CFAP20DC: variants seen among roughly 807,000 people sequenced by gnomAD.
CFAP20DC encodes protein CFAP20DC.
A neutral mutation model predicts 101.7 loss-of-function variants in CFAP20DC; 84 were observed. That is an observed-to-expected ratio of 0.83 (90% CI 0.69 to 0.99). The LOEUF is 0.99. Among genes scored for constraint, CFAP20DC ranks in the 50% least tolerant of loss-of-function variants. CFAP20DC has a pLI of 0.00. For missense variants in CFAP20DC, 1,007 were observed against 970.3 expected (o/e 1.04, Z -0.50); for synonymous variants, 359 against 351.2 (o/e 1.02, Z -0.25).
At chr3:58,995,973 T>TC (rs2093108998) in intron 4 of CFAP20DC, among the ~76,000 whole-genome samples, 6 of 136,112 alleles carry the variant, frequency 4.4e-5, no homozygotes, top group Admixed American at 7.7e-5. Context: ...TTCTGTATAA[T>TC]AAATCTATCT....
At chr3:58,800,287 T>G (rs1037940834) in intron 15 of CFAP20DC, among the ~76,000 whole-genome samples, 3 of 152,144 alleles carry the variant, frequency 2.0e-5, no homozygotes, top group African/African-American at 7.2e-5. Context: ...TGAGAGGTGA[T>G]GGCAACCTGC....
chr3:58,809,989 C>T (rs1032665157), intron 14 of CFAP20DC, among the ~76,000 whole-genome samples: 4 of 152,082 alleles, frequency 2.6e-5, no homozygotes, highest in African/African-American at 9.7e-5. Context: ...TACACCATCC[C>T]ACGACTAAAC....
intron 14 of CFAP20DC, among the ~76,000 whole-genome samples, chr3:58,825,073 GA>G (rs1387395887): frequency 1.3e-5 from 2 of 152,110 alleles, no homozygotes; most frequent in Non-Finnish European, 2.9e-5. Context: ...GAGAGACAGT[GA>G]AATGAAATAT....
Position 58,914,053 on chromosome 3 carries a change from C to A in CFAP20DC, c.394-189G>T, listed in dbSNP as rs2084424249. 6.6e-6 allele frequency among the ~76,000 whole-genome samples: 1 copy of A among 152,126 alleles called. No individual in the cohort carries two copies. The highest frequency in any genetic ancestry group is 2.1e-4 in the South Asian group (1 of 4,832). Reference sequence around the variant, plus strand: ...ACTGACTTGATCTTTCCAAAGAAATCACCATAATTCTAAATTACACATTGG... The same window carrying A: ...ACTGACTTGATCTTTCCAAAGAAATAACCATAATTCTAAATTACACATTGG... On this transcript the variant is annotated intron_variant, in intron 5 of 16. Transcript: ENST00000482387. This position sits in a 1 kb window ranked among gnomAD's most constrained non-coding sequence, Gnocchi z 4.9.
At position 58,869,068 on chromosome 3, in the gene CFAP20DC, T is replaced by G. The variant is rs2079922966; in HGVS notation, c.1015+260A>C. On this transcript the variant is annotated intron_variant, in intron 9 of 16. Transcript: ENST00000482387. The surrounding 1 kb of genome is among the most constrained non-coding windows in gnomAD (Gnocchi z 4.3). Reference sequence around the variant, plus strand: ...AAATACAGTGATAATGGAATGCTATTTTATTTCTACATCAGTTGCCATAAA... The same window carrying G: ...AAATACAGTGATAATGGAATGCTATGTTATTTCTACATCAGTTGCCATAAA... Among the ~76,000 whole-genome samples, 1 of 152,174 alleles carries G rather than the reference T, an allele frequency of 6.6e-6. No individual in the cohort carries two copies. Among genetic ancestry groups the G allele is most frequent in the Non-Finnish European group, 1.5e-5 (1 of 68,002 alleles).
intron 4 of CFAP20DC, among the ~76,000 whole-genome samples, chr3:58,988,915 G>C (rs2092839528): frequency 6.6e-6 from 1 of 152,046 alleles, no homozygotes; most frequent in South Asian, 2.1e-4. Context: ...CAAATGTTAT[G>C]ATGATGTCTT....
intron 4 of CFAP20DC, among the ~76,000 whole-genome samples, chr3:58,940,930 CT>C (rs895968764): frequency 7.2e-5 from 11 of 152,090 alleles, no homozygotes; most frequent in Non-Finnish European, 1.5e-4. Context: ...TGCTTAATTT[CT>C]TTTTTAATGT....
chr3:58,796,976 G>C (rs999269097), intron 15 of CFAP20DC, among the ~76,000 whole-genome samples: 1 of 152,090 alleles, frequency 6.6e-6, no homozygotes, highest in Admixed American at 6.6e-5. Flanking sequence ...AATGCGGTTT[G>C]TATTCTGACT....
rs577911170 is a variant in CFAP20DC, at chr3:58,897,868, G to A, written c.551-13159C>T. On this transcript the variant is annotated intron_variant, in intron 6 of 16. Transcript: ENST00000482387. This position sits in a 1 kb window ranked among gnomAD's most constrained non-coding sequence, Gnocchi z 4.4. ...ACGATTATGTGCCTTGGCATTGATC[G>A]TCTCATGGAGTATCTTATTGGGGTT... 6.6e-5 allele frequency among the ~76,000 whole-genome samples: 10 copies of A among 152,232 alleles called. No homozygotes were observed. The highest frequency in any genetic ancestry group is 2.0e-4 in the Admixed American group (3 of 15,296).
At chr3:58,893,082 C>A (rs1374878699) in intron 6 of CFAP20DC, among the ~76,000 whole-genome samples, 1 of 147,360 alleles carries the variant, frequency 6.8e-6, no homozygotes, top group South Asian at 2.1e-4. Context: ...CTCGCTCAGT[C>A]GCCCAGGCTG....
In CFAP20DC at chr3:58,945,728, C is replaced by T. The variant is rs1015571615; in HGVS notation, c.279-7966G>A. Among the ~76,000 whole-genome samples, 8 of 148,226 alleles carry T rather than the reference C, an allele frequency of 5.4e-5. No homozygotes were observed. In the East Asian group the frequency reaches 7.9e-4, roughly 15 times the overall value. On this transcript the variant is annotated intron_variant, in intron 4 of 16. Transcript: ENST00000482387. ...TTTTTTTTTTTCTGAGACGGAGTCT[C>T]GTTCTGTCACTGGGCTGGAGTCCAG...
chr3:59,027,595 A>G (rs1410546718), intron 4 of CFAP20DC, among the ~76,000 whole-genome samples: 2 of 152,254 alleles, frequency 1.3e-5, no homozygotes, highest in Non-Finnish European at 2.9e-5. Flanking sequence ...GGATAGAAAA[A>G]GGAATTAATG....
rs1391905214 is a variant in CFAP20DC at position 58,722,241 on chromosome 3, G to A, written c.198-4613C>T. On this transcript the variant is annotated intron_variant, in intron 3 of 3. Transcript: ENST00000486145. The surrounding 1 kb of genome is among the most constrained non-coding windows in gnomAD (Gnocchi z 4.5). ...CTCCCAGTGATTCCAGCCACCAAGT[G>A]TTCAGTCACCCCCACCCCTTTGAGC... Among the ~76,000 whole-genome samples the A allele has an allele frequency of 6.6e-6, 1 of 152,138 alleles. No homozygotes were observed. The highest frequency in any genetic ancestry group is 2.4e-5 in the African/African-American group (1 of 41,414).
chr3:58,804,627 T>G (rs1009520348), intron 15 of CFAP20DC, among the ~76,000 whole-genome samples: 2 of 152,160 alleles, frequency 1.3e-5, no homozygotes, highest in African/African-American at 4.8e-5. Context: ...TCTCCCAAAG[T>G]GCTGGGATTA....
intron 5 of CFAP20DC, among the ~76,000 whole-genome samples, chr3:58,920,900 A>G (rs2085292001): frequency 6.6e-6 from 1 of 152,180 alleles, no homozygotes; most frequent in Admixed American, 6.5e-5. Flanking sequence ...ATTATCTGTA[A>G]AGCAAACTGG....
At chr3:58,783,542 T>C (rs750246525) in intron 15 of CFAP20DC, among the ~76,000 whole-genome samples, 11 of 152,026 alleles carry the variant, frequency 7.2e-5, no homozygotes, top group Non-Finnish European at 1.3e-4. Context: ...ATAAAAATAT[T>C]TGCAAACTAC....
Sources: gnomAD v4.1 joint callset for allele counts (sites outside exome capture counted in the v4.1 genomes callset) on GRCh38, gnomAD v4.1.1 for gene constraint, Gnocchi (gnomAD v3.1) non-coding constraint, MANE v1.5 for transcripts, NCBI Gene and HGNC (gene_info 2026-07-23, HGNC 2026-07-21) for gene names.